The following GPATCH2 variants were observed in gnomAD, a reference collection of about 807,000 sequenced individuals.
The protein encoded by GPATCH2 is G-patch domain containing 2, also known as G patch domain-containing protein 2.
A neutral mutation model predicts 58.0 loss-of-function variants in GPATCH2; 51 were observed. That is an observed-to-expected ratio of 0.88 (90% CI 0.70 to 1.11). GPATCH2 has a LOEUF of 1.11. Ranked by LOEUF, GPATCH2 falls within the 50% of genes most tolerant of loss-of-function variation. The pLI is 0.00. For missense variants in GPATCH2, 625 were observed against 652.2 expected, an observed-to-expected ratio of 0.96 and a Z score of 0.45; for synonymous variants, 222 against 218.5, an observed-to-expected ratio of 1.02 and a Z score of -0.14.
chr1:217,553,875 T>C (rs10495060), intron 5 of GPATCH2, among the ~76,000 whole-genome samples: 34,143 of 152,164 alleles, frequency 0.22, 4,505 homozygotes, highest in East Asian at 0.36. Flanking sequence ...AAATGTTACA[T>C]TGAACAACCA....
At chr1:217,432,130 A>T (rs1658567652) in intron 9 of GPATCH2, among the ~76,000 whole-genome samples, 2 of 151,996 alleles carry the variant, frequency 1.3e-5, no homozygotes, top group South Asian at 4.2e-4. Flanking sequence ...CTCCAGAGAT[A>T]GATATATTTC....
intron 8 of GPATCH2, among the ~76,000 whole-genome samples, chr1:217,467,636 A>G (rs1269304330): frequency 1.3e-5 from 2 of 152,168 alleles, no homozygotes; most frequent in African/African-American, 4.8e-5. Context: ...GACAGAAAGT[A>G]TAAACAATAA....
intron 5 of GPATCH2, among the ~76,000 whole-genome samples, chr1:217,517,561 A>C (rs1425963966): frequency 1.3e-5 from 2 of 152,156 alleles, no homozygotes; most frequent in Non-Finnish European, 2.9e-5. Flanking sequence ...CTACTTCAAA[A>C]TATTATAAAA....
chr1:217,564,214 G>A (rs12034876), intron 5 of GPATCH2, among the ~76,000 whole-genome samples: 66,182 of 151,788 alleles, frequency 0.44, 16,451 homozygotes, highest in East Asian at 0.92. Flanking sequence ...AAAGGGTAAC[G>A]TTATTTGCAA....
intron 8 of GPATCH2, among the ~76,000 whole-genome samples, chr1:217,462,425 A>C (rs1291643193): frequency 6.6e-6 from 1 of 152,200 alleles, no homozygotes; most frequent in Non-Finnish European, 1.5e-5. Flanking sequence ...ATTTTAGAAG[A>C]ATCAACAGTT....
chr1:217,557,586 A>C (rs1252856156), intron 5 of GPATCH2, among the ~76,000 whole-genome samples: 2 of 152,140 alleles, frequency 1.3e-5, no homozygotes, highest in Non-Finnish European at 2.9e-5. Flanking sequence ...CCCACTTGGA[A>C]TCAATTTTTG....
intron 5 of GPATCH2, among the ~76,000 whole-genome samples, chr1:217,523,714 C>G (rs1440534952): frequency 6.7e-6 from 1 of 150,152 alleles, no homozygotes; most frequent in Admixed American, 6.6e-5. Flanking sequence ...GGGTGGTGGC[C>G]GGGCAGAGGG....
intron 8 of GPATCH2, among the ~76,000 whole-genome samples, chr1:217,486,395 TTTTTTC>T (rs1252175776): frequency 6.6e-6 from 1 of 152,220 alleles, no homozygotes; most frequent in Non-Finnish European, 1.5e-5. Flanking sequence ...GTCAAATGTC[TTTTTTC>T]TTTTTGTTTT....
At chr1:217,509,644 T>A (rs181089118) in intron 6 of GPATCH2, among the ~76,000 whole-genome samples, 6 of 152,318 alleles carry the variant, frequency 3.9e-5, no homozygotes, top group African/African-American at 7.2e-5. Context: ...CAATTGTATT[T>A]GACAAGTATT....
intron 5 of GPATCH2, among the ~76,000 whole-genome samples, chr1:217,606,758 G>C (rs1293391180): frequency 4.6e-5 from 7 of 151,908 alleles, no homozygotes; most frequent in Non-Finnish European, 1.5e-5. Context: ...AGAAATACCA[G>C]AAAAGTTTAA....
At chr1:217,543,706 A>C (rs1208304067) in intron 5 of GPATCH2, among the ~76,000 whole-genome samples, 1 of 152,238 alleles carries the variant, frequency 6.6e-6, no homozygotes, top group Non-Finnish European at 1.5e-5. Flanking sequence ...GGCATATTGT[A>C]AGCTGCTAAT....
At chr1:217,479,146 C>T (rs989535373) in intron 8 of GPATCH2, among the ~76,000 whole-genome samples, 2 of 152,018 alleles carry the variant, frequency 1.3e-5, no homozygotes, top group Non-Finnish European at 2.9e-5. Flanking sequence ...GTTTTTCAAT[C>T]TGAAAGAAAA....
intron 5 of GPATCH2, among the ~76,000 whole-genome samples, chr1:217,585,860 G>C (rs1667315822): frequency 6.6e-6 from 1 of 152,012 alleles, no homozygotes; most frequent in South Asian, 2.1e-4. Flanking sequence ...ATTATAACTA[G>C]GCTATATGGT....
At chr1:217,445,248 T>A (rs1659332856) in intron 9 of GPATCH2, among the ~76,000 whole-genome samples, 2 of 152,132 alleles carry the variant, frequency 1.3e-5, no homozygotes, top group Non-Finnish European at 2.9e-5. Flanking sequence ...AGCAAAATAG[T>A]AATAGGCAAT....
At chr1:217,551,101 C>A in intron 5 of GPATCH2, among the ~76,000 whole-genome samples, 1 of 150,250 alleles carries the variant, frequency 6.7e-6, no homozygotes, top group East Asian at 1.9e-4. Flanking sequence ...GAAAATATAA[C>A]AAGAATTCTT....
At chr1:217,521,527 T>C (rs1663458573) in intron 5 of GPATCH2, among the ~76,000 whole-genome samples, 1 of 152,124 alleles carries the variant, frequency 6.6e-6, no homozygotes. Flanking sequence ...ATTTTAAGTA[T>C]ATGCAATGCA....
In GPATCH2 at chr1:217,576,251, A is replaced by G. The variant is rs138472390; in HGVS notation, c.1098+34070T>C. Among the ~76,000 whole-genome samples, 125 of 152,278 alleles carry G rather than the reference A, an allele frequency of 8.2e-4. 1 individual carries two copies. Among genetic ancestry groups the G allele is most frequent in the African/African-American group, 2.5e-3 (103 of 41,574 alleles). On this transcript the variant is annotated intron_variant, in intron 5 of 9. Transcript: ENST00000366935. Reference sequence around the variant, plus strand: ...TGTCACATGTAATGAATTAAATTGAACCAGTGATGACACACTATCTGGTAG... The same window carrying G: ...TGTCACATGTAATGAATTAAATTGAGCCAGTGATGACACACTATCTGGTAG...
Position 217,521,358 on chromosome 1 carries a change from C to CAAAA in GPATCH2, c.1099-6473_1099-6470dup, listed in dbSNP as rs35333815. Among the ~76,000 whole-genome samples the CAAAA allele has an allele frequency of 6.8e-4, 69 of 101,146 alleles. 1 individual carries two copies. The highest frequency in any genetic ancestry group is 2.5e-3 in the African/African-American group (59 of 23,146). The allele number at this position is 101,146 out of a possible 152,430, so 66.4% of individuals were successfully genotyped here. A position where few individuals can be genotyped will look rare whatever the true frequency, so the allele number is the denominator to read the frequency against. On this transcript the variant is annotated intron_variant, in intron 5 of 9. Transcript: ENST00000366935. ...TACTTTTTCCCCTACAGGGAGACTG[C>CAAAA]AAAAAAAAAAAAAAAAGATGATATA...
intron 5 of GPATCH2, among the ~76,000 whole-genome samples, chr1:217,573,670 A>T (rs1666670490): frequency 6.6e-6 from 1 of 152,198 alleles, no homozygotes; most frequent in African/African-American, 2.4e-5. Flanking sequence ...TGTCTAACTA[A>T]ACTTTACGAG....
Sources: gnomAD v4.1 joint callset for allele counts (sites outside exome capture counted in the v4.1 genomes callset) on GRCh38, gnomAD v4.1.1 for gene constraint, MANE v1.5 for transcripts, NCBI Gene and HGNC (gene_info 2026-07-23, HGNC 2026-07-21) for gene names.